The following B4GALT5 variants were observed in gnomAD, a reference collection of about 807,000 sequenced individuals.
B4GALT5 encodes UDP-Gal:beta-GlcNAc beta-1,4-galactosyltransferase 5.
B4GALT5 carries 11 observed loss-of-function variants against 45.0 expected under a neutral mutation model. That is an observed-to-expected ratio of 0.24 (90% CI 0.15 to 0.40). The LOEUF (loss-of-function observed/expected upper bound fraction) is 0.40. Ranked by LOEUF, B4GALT5 falls within the 10% of genes least tolerant of loss-of-function variation. The probability of loss-of-function intolerance (pLI) is 1.00; values close to 1 mark genes in which losing one functional copy is unlikely to be tolerated. For synonymous variants in B4GALT5, 185 were observed against 182.9 expected (o/e 1.01, Z -0.09); for missense variants, 337 against 500.2 (o/e 0.67, Z 3.11).
At chr20:49,706,327 A>G (rs2085883713) in intron 1 of B4GALT5, among the ~76,000 whole-genome samples, 1 of 152,178 alleles carries the variant, frequency 6.6e-6, no homozygotes, top group South Asian at 2.1e-4. Flanking sequence ...TTGAAAACAA[A>G]ATGAATCTGC....
intron 1 of B4GALT5, among the ~76,000 whole-genome samples, chr20:49,708,949 G>GT (rs199931230): frequency 2.0e-5 from 3 of 147,902 alleles, no homozygotes; most frequent in African/African-American, 7.5e-5. Flanking sequence ...AAAAAAAAAA[G>GT]TCATCAATGC....
At chr20:49,689,620 C>A (rs189921853) in intron 1 of B4GALT5, among the ~76,000 whole-genome samples, 22 of 152,284 alleles carry the variant, frequency 1.4e-4, no homozygotes, top group Admixed American at 4.6e-4. Flanking sequence ...TACTTTGTGA[C>A]CTATTTCCAA....
In B4GALT5 at chr20:49,656,638, G is replaced by A. The variant is rs1347088909; in HGVS notation, c.180C>T (p.Ile60=). ...GCACCTGCTCATAAACCTGAGCACCGATTGTTCTCACGTTGTCCCGGATCA... is the reference window on the plus strand; with the variant it reads ...GCACCTGCTCATAAACCTGAGCACCAATTGTTCTCACGTTGTCCCGGATCA... ...GILIRDNVRT[I]GAQVYEQVLR... is the part of the protein sequence containing the mutation. Residue 60 remains isoleucine, a synonymous_variant, in exon 2 of 9, where the codon ATC becomes ATT. Coordinates refer to ENST00000371711, the MANE Select transcript of B4GALT5 (RefSeq NM_004776.4). 7.4e-6 allele frequency: 12 copies of A among 1,613,996 alleles called. 1 individual carries two copies. Among genetic ancestry groups the A allele is most frequent in the Middle Eastern group, 1.6e-4 (1 of 6,084 alleles).
chr20:49,636,401 T>C lies in B4GALT5; in HGVS notation c.1078A>G (p.Asn360Asp). The change falls in exon 9 of 9, where the codon AAC (asparagine) becomes GAC (aspartate). Residue 360 changes from asparagine (N) to aspartate (D), a missense_variant. Transcript: ENST00000371711. The part of the protein sequence containing the change: ...RQGLDGLNNL[N>D]YFANITYDAL... ...TCGTATGTGATGTTTGCAAAGTAGT[T>C]CAGGTTGTTGAGGCCATCCAGCCCT... The C allele has an allele frequency of 6.2e-7, 1 of 1,614,078 alleles. No homozygotes were observed. The highest frequency in any genetic ancestry group is 8.5e-7 in the Non-Finnish European group (1 of 1,180,010).
intron 1 of B4GALT5, among the ~76,000 whole-genome samples, chr20:49,699,231 T>G (rs543309102): frequency 6.6e-6 from 1 of 152,238 alleles, no homozygotes; most frequent in Non-Finnish European, 1.5e-5. Context: ...CATCTACATT[T>G]CAGGTTTCAG....
At chr20:49,651,730 C>T (rs1201375917) in intron 2 of B4GALT5, among the ~76,000 whole-genome samples, 2 of 152,222 alleles carry the variant, frequency 1.3e-5, no homozygotes. Context: ...TTGCTTCACA[C>T]CAGTGGTTCA....
chr20:49,672,196 C>A (rs1397582232), intron 1 of B4GALT5, among the ~76,000 whole-genome samples: 1 of 152,128 alleles, frequency 6.6e-6, no homozygotes, highest in East Asian at 1.9e-4. Flanking sequence ...ATTTTAATCA[C>A]ATTATTGTTA....
chr20:49,701,275 C>G (rs1477384470), intron 1 of B4GALT5, among the ~76,000 whole-genome samples: 2 of 152,170 alleles, frequency 1.3e-5, no homozygotes, highest in African/African-American at 2.4e-5. Flanking sequence ...GTACCCACCC[C>G]TGCCTTTAAT....
In B4GALT5 at chr20:49,651,421, T is replaced by C. The variant is rs534933782; in HGVS notation, c.251-4343A>G. Among the ~76,000 whole-genome samples, 1,046 of 150,934 alleles carry C rather than the reference T, an allele frequency of 6.9e-3. 5 individuals are homozygous for C. Among genetic ancestry groups the C allele is most frequent in the Non-Finnish European group, 0.011 (728 of 67,856 alleles). On this transcript the variant is annotated intron_variant, in intron 2 of 8. Transcript: ENST00000371711. ...CTGGCCAACATAGTGAAACCCTATCTCTACTAAAAATACAAAAATTAGCCA... is the reference window on the plus strand; with the variant it reads ...CTGGCCAACATAGTGAAACCCTATCCCTACTAAAAATACAAAAATTAGCCA...
chr20:49,682,507 A>G (rs756099905), intron 1 of B4GALT5, among the ~76,000 whole-genome samples: 4 of 152,102 alleles, frequency 2.6e-5, no homozygotes, highest in Non-Finnish European at 4.4e-5. Context: ...AGCTCTCACC[A>G]CAGGCCACTG....
rs955445471 is a variant in B4GALT5 at position 49,678,949 on chromosome 20, C to A, written c.116-22247G>T. On this transcript the variant is annotated intron_variant, in intron 1 of 8. Coordinates refer to ENST00000371711, the MANE Select transcript of B4GALT5 (RefSeq NM_004776.4). ...AGCACAAAGCAAAGTTCCCTCCATTCTCCTAATTACATTAATTTAATCCCT... is the reference window on the plus strand; with the variant it reads ...AGCACAAAGCAAAGTTCCCTCCATTATCCTAATTACATTAATTTAATCCCT... Among the ~76,000 whole-genome samples, 9 of 152,254 alleles carry A rather than the reference C, an allele frequency of 5.9e-5. 1 individual carries two copies. Among genetic ancestry groups the A allele is most frequent in the Admixed American group, 5.9e-4 (9 of 15,298 alleles).
In B4GALT5 at chr20:49,636,377, C is replaced by T. The variant is rs235035; in HGVS notation, c.1102G>A (p.Asp368Asn). The T allele has an allele frequency of 0.073, 118,521 of 1,613,884 alleles. 5,024 individuals carry two copies. Among genetic ancestry groups the T allele is most frequent in the Middle Eastern group, 0.13 (798 of 6,062 alleles). The stretch of plus-strand genomic sequence containing the variant: ...ACAGTTATGTTTTTATACAAGGCGT[C>T]GTATGTGATGTTTGCAAAGTAGTTC... ...NLNYFANITY[D>N]ALYKNITVNL... The change falls in exon 9 of 9, where the codon GAC becomes AAC. Residue 368 changes from aspartate (D) to asparagine (N), a missense_variant. Around this residue, in one of 2 missense-constraint regions of B4GALT5, gnomAD observed 163 missense variants for 292.8 expected, o/e 0.56. Transcript: ENST00000371711.
At chr20:49,656,518 C>T (rs1158266278) in intron 2 of B4GALT5, 50 bp downstream of exon 2, 13 of 1,605,512 alleles carry the variant, frequency 8.1e-6, no homozygotes, top group Middle Eastern at 1.7e-4. Context: ...GAATTTACCT[C>T]TCTTGGGAGG....
At chr20:49,698,803 T>G (rs2085849841) in intron 1 of B4GALT5, among the ~76,000 whole-genome samples, 1 of 152,176 alleles carries the variant, frequency 6.6e-6, no homozygotes. Context: ...TTTATTTTTT[T>G]AAATCTCAGC....
chr20:49,664,397 T>A (rs6019963), intron 1 of B4GALT5, among the ~76,000 whole-genome samples: 2,975 of 146,412 alleles, frequency 0.02, 97 homozygotes, highest in African/African-American at 0.072. Flanking sequence ...ACATTTATAT[T>A]TTTTTAGAGA....
chr20:49,662,919 G>C (rs79951425), intron 1 of B4GALT5, among the ~76,000 whole-genome samples: 1,846 of 152,254 alleles, frequency 0.012, 31 homozygotes, highest in African/African-American at 0.042. Flanking sequence ...AGTACCATGA[G>C]ACCATAAAAA....
At chr20:49,656,735 A>G in intron 1 of B4GALT5, 33 bp from the exon 2 acceptor site, 1 of 1,613,060 alleles carries the variant, frequency 6.2e-7, no homozygotes, top group Non-Finnish European at 8.5e-7. Context: ...AAAGAGGTGG[A>G]TTCAGAAGCA....
chr20:49,657,157 G>T (rs2085646963), intron 1 of B4GALT5, among the ~76,000 whole-genome samples: 1 of 152,088 alleles, frequency 6.6e-6, no homozygotes, highest in African/African-American at 2.4e-5. Flanking sequence ...CTGAAGCCAT[G>T]GTCTGAAGCC....
At chr20:49,691,442 T>A (rs1292441557) in intron 1 of B4GALT5, among the ~76,000 whole-genome samples, 2 of 151,942 alleles carry the variant, frequency 1.3e-5, no homozygotes, top group African/African-American at 2.4e-5. Context: ...GATCGCTTGA[T>A]CCTGGGAGGT....
Sources: allele counts gnomAD v4.1 joint callset (sites outside exome capture counted in the v4.1 genomes callset), GRCh38; gene constraint gnomAD v4.1.1; regional missense constraint gnomAD v4.1.1; transcripts MANE v1.5; gene names NCBI Gene and HGNC (gene_info 2026-07-23, HGNC 2026-07-21).